The following ZMYND11 variants were observed in gnomAD, a reference collection of about 807,000 sequenced individuals.
The protein encoded by ZMYND11 is zinc finger MYND-type containing 11.
ZMYND11 carries 9 observed loss-of-function variants against 84.9 expected under a neutral mutation model. That is an observed-to-expected ratio of 0.11 (90% CI 0.06 to 0.18). ZMYND11 has a LOEUF of 0.18. ZMYND11 is among the 10% of genes least tolerant of loss of function. The pLI is 1.00. For synonymous variants in ZMYND11, 250 were observed against 244.1 expected (o/e 1.02, Z -0.23); for missense variants, 409 against 761.0 (o/e 0.54, Z 5.44).
rs1840104470 is a variant in ZMYND11 at position 150,622 on chromosome 10, AG to A, written c.-20+15065del. 7.9e-5 allele frequency among the ~76,000 whole-genome samples: 12 copies of A among 152,268 alleles called. No homozygotes were observed. The South Asian group carries it at 2.5e-3, about 32-fold the overall frequency. ...ACTGGGTGGAGCCCACTGCAGCTCAAGGAGGCCTGCCTGCCTCTGTAGACCA... is the reference window on the plus strand; with the variant it reads ...ACTGGGTGGAGCCCACTGCAGCTCAAGAGGCCTGCCTGCCTCTGTAGACCA... On this transcript the variant is annotated intron_variant, in intron 1 of 14. Transcript: ENST00000381604.
intron 2 of ZMYND11, among the ~76,000 whole-genome samples, chr10:196,979 A>C (rs139203978): frequency 0.012 from 1,821 of 152,080 alleles, 26 homozygotes; most frequent in African/African-American, 0.042. Context: ...CCACGTGCGC[A>C]TTGTATTCAT....
chr10:254,241 G>A lies in ZMYND11; in HGVS notation c.*1771G>A, dbSNP rs1407221122. 1 of 152,550 alleles carries A rather than the reference G, an allele frequency of 6.6e-6. No individual in the cohort carries two copies. The highest frequency in any genetic ancestry group is 2.4e-5 in the African/African-American group (1 of 41,416). The allele number at this position is 152,550 out of a possible 1,614,324, so 9.4% of individuals were successfully genotyped here. On this transcript the variant is annotated 3_prime_UTR_variant, in exon 15 of 15. Transcript: ENST00000381604. The stretch of plus-strand genomic sequence containing the variant: ...ATTTTTGGTGTAAAATCATTCCAGA[G>A]TATGTAATATTTAACTGATAGCTGC...
At chr10:234,982 A>ATGTGTG (rs60483060) in intron 4 of ZMYND11, among the ~76,000 whole-genome samples, 4,023 of 148,956 alleles carry the variant, frequency 0.027, 72 homozygotes, top group African/African-American at 0.05. Flanking sequence ...TATTTCGCAA[A>ATGTGTG]TGTGTGTGTG....
At chr10:165,306 A>G (rs117267567) in intron 1 of ZMYND11, among the ~76,000 whole-genome samples, 2,323 of 152,222 alleles carry the variant, frequency 0.015, 34 homozygotes, top group Non-Finnish European at 0.024. Context: ...TCTGTAAGAC[A>G]GCTCTCCTAG....
chr10:170,467 GGTAAGTAAAATGAATGACAGTTTATGT>G (rs1364091042), intron 1 of ZMYND11, among the ~76,000 whole-genome samples: 26 of 86,798 alleles, frequency 3.0e-4, no homozygotes, highest in African/African-American at 8.2e-4. Flanking sequence ...CGTGCTTATG[GGTAAGTAAAATGAATGACAGTTTATGT>G]GTAAGTAAAA....
At chr10:154,214 G>T (rs1212347422) in intron 1 of ZMYND11, among the ~76,000 whole-genome samples, 1 of 152,132 alleles carries the variant, frequency 6.6e-6, no homozygotes, top group Non-Finnish European at 1.5e-5. Flanking sequence ...ATATCATATT[G>T]TTGAATCATT....
intron 4 of ZMYND11, among the ~76,000 whole-genome samples, chr10:230,997 G>A (rs181862590): frequency 9.9e-5 from 15 of 152,096 alleles, no homozygotes; most frequent in African/African-American, 2.4e-4. Context: ...TGACTTTTAC[G>A]TTTTCAGATT....
At chr10:175,515 G>A (rs1218741870) in intron 1 of ZMYND11, among the ~76,000 whole-genome samples, 1 of 152,160 alleles carries the variant, frequency 6.6e-6, no homozygotes, top group Non-Finnish European at 1.5e-5. Flanking sequence ...GTTGCAGTGA[G>A]CCGAAATCAC....
At chr10:197,892 C>G (rs952447422) in intron 2 of ZMYND11, 2 of 563,270 alleles carry the variant, frequency 3.6e-6, no homozygotes, top group South Asian at 2.4e-5. Flanking sequence ...ATCAAACTTA[C>G]AATATATTTC....
rs1835808494 is a variant in ZMYND11 at position 135,683 on chromosome 10, A to ACGGT, written c.-20+127_-20+130dup. On this transcript the variant is annotated intron_variant, in intron 1 of 14. Transcript: ENST00000381604. This position sits in a 1 kb window ranked among gnomAD's most constrained non-coding sequence, Gnocchi z 5.6. ...GCGGCGGCGGCACCAGTGGGTGCTGACGGTCGCTCGCCCGCTCGCGAAGAG... is the reference window on the plus strand; with the variant it reads ...GCGGCGGCGGCACCAGTGGGTGCTGACGGTCGGTCGCTCGCCCGCTCGCGAAGAG... 6.8e-6 allele frequency: 1 copy of ACGGT among 146,804 alleles called. No homozygotes were observed. The highest frequency in any genetic ancestry group is 1.5e-5 in the Non-Finnish European group (1 of 66,004). 9.1% of individuals were successfully genotyped at this position (146,804 alleles called of 1,614,324 possible). A position where few individuals can be genotyped will look rare whatever the true frequency, so the allele number is the denominator to read the frequency against.
At chr10:171,958 TC>T (rs1207306396) in intron 1 of ZMYND11, among the ~76,000 whole-genome samples, 1 of 152,220 alleles carries the variant, frequency 6.6e-6, no homozygotes, top group Non-Finnish European at 1.5e-5. Flanking sequence ...TTCTCACAGT[TC>T]TGCATGCTGG....
At chr10:194,811 G>A (rs368281351) in intron 2 of ZMYND11, among the ~76,000 whole-genome samples, 7 of 152,154 alleles carry the variant, frequency 4.6e-5, no homozygotes, top group Admixed American at 2.6e-4. Flanking sequence ...ATACAAGGTC[G>A]CTCACAGACC....
intron 2 of ZMYND11, among the ~76,000 whole-genome samples, chr10:181,016 A>G (rs1392417493): frequency 1.3e-5 from 2 of 152,018 alleles, no homozygotes; most frequent in South Asian, 4.1e-4. Flanking sequence ...TGAAGCTTCT[A>G]TTTACATGTT....
rs1364101698 is a variant in ZMYND11, at chr10:157,692, C to T, written c.-20+22133C>T. 3.9e-5 allele frequency among the ~76,000 whole-genome samples: 6 copies of T among 152,066 alleles called. 1 individual carries two copies. The South Asian group carries it at 6.2e-4, about 16-fold the overall frequency. ...TTTAATAGACGCTATAAAAATAGTCCTCTGCTGACTCCTTGCTTGAACAAA... is the reference window on the plus strand; with the variant it reads ...TTTAATAGACGCTATAAAAATAGTCTTCTGCTGACTCCTTGCTTGAACAAA... On this transcript the variant is annotated intron_variant, in intron 1 of 14. Coordinates refer to ENST00000381604, the MANE Select transcript of ZMYND11 (RefSeq NM_001370100.5).
At chr10:216,487 T>G (rs1265756827) in intron 3 of ZMYND11, among the ~76,000 whole-genome samples, 1 of 152,222 alleles carries the variant, frequency 6.6e-6, no homozygotes, top group African/African-American at 2.4e-5. Context: ...TGTTAATTTT[T>G]AATTTTTATG....
chr10:252,279 T>C lies in ZMYND11; in HGVS notation c.1687-69T>C. On this transcript the variant is annotated intron_variant, in intron 14 of 14. Coordinates refer to ENST00000381604, the MANE Select transcript of ZMYND11 (RefSeq NM_001370100.5). This position sits in a 1 kb window ranked among gnomAD's most constrained non-coding sequence, Gnocchi z 4.6. ...TTTTAAAAGCACCACCTCAAGAGTTTGCCATTTTAACCAGTCGCTTACACA... is the reference window on the plus strand; with the variant it reads ...TTTTAAAAGCACCACCTCAAGAGTTCGCCATTTTAACCAGTCGCTTACACA... 4.5e-6 allele frequency: 7 copies of C among 1,570,000 alleles called. No homozygotes were observed. The highest frequency in any genetic ancestry group is 2.7e-5 in the African/African-American group (2 of 73,552).
At chr10:226,505 A>G (rs957871343) in intron 4 of ZMYND11, among the ~76,000 whole-genome samples, 5 of 152,194 alleles carry the variant, frequency 3.3e-5, no homozygotes, top group Non-Finnish European at 5.9e-5. Context: ...TTTTGATTTC[A>G]TAACTTAGAG....
At chr10:238,648 G>A (rs981627485) in intron 6 of ZMYND11, among the ~76,000 whole-genome samples, 14 of 152,276 alleles carry the variant, frequency 9.2e-5, no homozygotes, top group Non-Finnish European at 1.8e-4. Context: ...GAGCCACCGC[G>A]CCCGGCCACA....
chr10:253,877 C>G lies in ZMYND11; in HGVS notation c.*1407C>G, dbSNP rs1953936992. ...ATTCTCCAGGTTTGTCAGGGTCACT[C>G]TAAAGATAAAAATGTAACTAAGTCT... On this transcript the variant is annotated 3_prime_UTR_variant, in exon 15 of 15. Transcript: ENST00000381604. 1 of 152,600 alleles carries G rather than the reference C, an allele frequency of 6.6e-6. No individual in the cohort carries two copies. The highest frequency in any genetic ancestry group is 2.4e-5 in the African/African-American group (1 of 41,444). 9.5% of individuals were successfully genotyped at this position (152,600 alleles called of 1,614,324 possible).
Sources: allele counts gnomAD v4.1 joint callset (sites outside exome capture counted in the v4.1 genomes callset), GRCh38; gene constraint gnomAD v4.1.1; non-coding constraint Gnocchi (gnomAD v3.1); transcripts MANE v1.5; gene names NCBI Gene and HGNC (gene_info 2026-07-23, HGNC 2026-07-21).